ADGRG1: variants seen among roughly 807,000 people sequenced by gnomAD.
ADGRG1 encodes adhesion G protein-coupled receptor G1, also known as 7-transmembrane protein with no EGF-like N-terminal domains-1.
A neutral mutation model predicts 73.5 loss-of-function variants in ADGRG1; 53 were observed. That is an observed-to-expected ratio of 0.72 (90% confidence interval 0.58 to 0.91). ADGRG1 has a LOEUF of 0.91. Among genes scored for constraint, ADGRG1 ranks in the 40% least tolerant of loss-of-function variants. The pLI is 0.00. For missense variants in ADGRG1, 795 were observed against 871.8 expected (o/e 0.91, Z 1.11); for synonymous variants, 394 against 374.4 (o/e 1.05, Z -0.60).
intron 3 of ADGRG1, chr16:57,652,276 C>T: frequency 2.6e-6 from 1 of 377,416 alleles, no homozygotes; most frequent in South Asian, 1.1e-4. Context: ...TGAATGGTGG[C>T]CAGGAAGGGA....
At chr16:57,645,072 C>G (rs965405634) in intron 1 of ADGRG1, 6 of 985,220 alleles carry the variant, frequency 6.1e-6, no homozygotes, top group Non-Finnish European at 7.2e-6. Context: ...CGCACACACA[C>G]CCACATGCCT....
At chr16:57,655,711 A>C (rs1416014451) in intron 6 of ADGRG1, 165 bp from the exon 7 acceptor site, 1 of 985,186 alleles carries the variant, frequency 1.0e-6, no homozygotes, top group East Asian at 1.1e-4. Context: ...TCTTCTTACT[A>C]TAGTGTAAAT....
At chr16:57,625,542 C>G (rs2035676952), upstream of ADGRG1, 2 of 984,578 alleles carry the variant, frequency 2.0e-6, no homozygotes, top group Non-Finnish European at 2.4e-6. Context: ...CCAACTTCCC[C>G]TCTACTCCTC....
chr16:57,655,004 G>A (rs1345898608), intron 5 of ADGRG1: 30 of 966,126 alleles, frequency 3.1e-5, no homozygotes, highest in Admixed American at 6.2e-5. Flanking sequence ...ACAGGCGTGA[G>A]CCACTGCACC....
chr16:57,643,885 G>T, intron 1 of ADGRG1: 1 of 971,950 alleles, frequency 1.0e-6, no homozygotes, highest in Non-Finnish European at 1.2e-6. Flanking sequence ...CCATGGGTGC[G>T]GCTGAGGGGT....
At chr16:57,629,985 T>G (rs1456514971) in intron 1 of ADGRG1, 1 of 985,030 alleles carries the variant, frequency 1.0e-6, no homozygotes, top group East Asian at 1.1e-4. Flanking sequence ...GTGGAGCAGT[T>G]GTAGCCTGGG....
upstream of ADGRG1, chr16:57,622,824 C>T (rs2035119571): frequency 1.0e-6 from 1 of 985,226 alleles, no homozygotes; most frequent in South Asian, 4.7e-5. Flanking sequence ...CCAGGCATGC[C>T]TTCCCCGCTG....
At chr16:57,660,022 A>G (rs1281822538) in intron 11 of ADGRG1, among the ~76,000 whole-genome samples, 1 of 152,192 alleles carries the variant, frequency 6.6e-6, no homozygotes, top group African/African-American at 2.4e-5. Context: ...CGCTCCAGTC[A>G]TTTAATTCAC....
At chr16:57,627,667 A>C (rs2036106853), upstream of ADGRG1, 1 of 381,706 alleles carries the variant, frequency 2.6e-6, no homozygotes, top group African/African-American at 2.2e-5. Flanking sequence ...GTCACCACTC[A>C]CCCTTCTGGC....
At chr16:57,628,843 A>G in intron 1 of ADGRG1, 41 bp downstream of exon 1, 1 of 978,308 alleles carries the variant, frequency 1.0e-6, no homozygotes, top group African/African-American at 1.8e-5. Flanking sequence ...GAAGGGGAAT[A>G]GTGTGAGTGT....
intron 10 of ADGRG1, chr16:57,658,870 A>G (rs2046371245): frequency 1.4e-6 from 1 of 692,704 alleles, no homozygotes; most frequent in South Asian, 6.8e-5. Flanking sequence ...GGGGCAGGGC[A>G]GGGTGGGACT....
chr16:57,650,112 T>C, intron 1 of ADGRG1, 141 bp from the exon 2 acceptor site: 13 of 1,495,932 alleles, frequency 8.7e-6, no homozygotes, highest in Non-Finnish European at 1.2e-5. Flanking sequence ...CTGGCCGCTC[T>C]GGGGAGGTCC....
chr16:57,643,008 C>T lies in ADGRG1; in HGVS notation c.-35-7245C>T, dbSNP rs554838738. ...CAGGATGCCAGCGGCTAATTGAGCA[C>T]TTGGTGAGTGGAAGCTGTGATCCTC... On this transcript the variant is annotated intron_variant, in intron 1 of 13. Coordinates refer to ENST00000562631, the MANE Select transcript of ADGRG1 (RefSeq NM_201525.4). 3.9e-5 allele frequency: 6 copies of T among 152,360 alleles called. No individual in the cohort carries two copies. In the South Asian group the frequency reaches 1.0e-3, roughly 26 times the overall value. 9.4% of individuals were successfully genotyped at this position (152,360 alleles called of 1,614,324 possible).
At chr16:57,626,910 C>T (rs2035945992), upstream of ADGRG1, 1 of 985,256 alleles carries the variant, frequency 1.0e-6, no homozygotes, top group Admixed American at 6.1e-5. Context: ...TTAGTGGGCC[C>T]CCAGTGTAGG....
chr16:57,636,247 A>G (rs906591497), intron 1 of ADGRG1: 63 of 985,246 alleles, frequency 6.4e-5, no homozygotes, highest in Non-Finnish European at 7.4e-5. Context: ...ATGTAGAGAG[A>G]AAATCCAAGG....
upstream of ADGRG1, among the ~76,000 whole-genome samples, chr16:57,625,268 G>T (rs1456394710): frequency 4.6e-5 from 7 of 152,158 alleles, no homozygotes; most frequent in African/African-American, 1.2e-4. Flanking sequence ...AAGCAGGGGG[G>T]ACCTGTGGCT....
At chr16:57,650,573 C>A (rs575540941) in intron 2 of ADGRG1, 1 of 226,692 alleles carries the variant, frequency 4.4e-6, no homozygotes, top group South Asian at 1.6e-4. Context: ...TGGCCCCACT[C>A]ACCTCTGCAG....
chr16:57,624,563 G>C (rs992458450), upstream of ADGRG1, among the ~76,000 whole-genome samples: 2 of 152,152 alleles, frequency 1.3e-5, no homozygotes, highest in African/African-American at 4.8e-5. Flanking sequence ...TTGCACAGGT[G>C]GGGACAGCTC....
chr16:57,641,393 T>C (rs2040786261), intron 1 of ADGRG1: 1 of 980,260 alleles, frequency 1.0e-6, no homozygotes, highest in Non-Finnish European at 1.2e-6. Flanking sequence ...AACCTCTACG[T>C]GGCTGCAGAC....
Sources: allele counts gnomAD v4.1 joint callset (sites outside exome capture counted in the v4.1 genomes callset), GRCh38; gene constraint gnomAD v4.1.1; transcripts MANE v1.5; gene names NCBI Gene and HGNC (gene_info 2026-07-23, HGNC 2026-07-21).